The following DGKB variants were observed in gnomAD, a reference collection of about 807,000 sequenced individuals.
DGKB encodes the protein 90 kDa diacylglycerol kinase.
DGKB carries 67 observed loss-of-function variants against 114.3 expected under a neutral mutation model. The ratio of observed to expected loss-of-function variants is 0.59; its 90% CI spans 0.48 to 0.72. The LOEUF is 0.72. Ranked by LOEUF, DGKB falls within the 30% of genes least tolerant of loss-of-function variation. The pLI is 0.00. For synonymous variants in DGKB, 398 were observed against 323.1 expected (o/e 1.23, Z -2.49); for missense variants, 907 against 975.2 (o/e 0.93, Z 0.93).
At chr7:14,187,698 C>G (rs1034374132) in intron 23 of DGKB, among the ~76,000 whole-genome samples, 1 of 152,066 alleles carries the variant, frequency 6.6e-6, no homozygotes, top group Non-Finnish European at 1.5e-5. Context: ...GACTTGTTTA[C>G]AGGAAAACAT....
At chr7:14,913,153 C>T (rs1261297837) in intron 1 of DGKB, among the ~76,000 whole-genome samples, 1 of 151,994 alleles carries the variant, frequency 6.6e-6, no homozygotes, top group Non-Finnish European at 1.5e-5. Flanking sequence ...CCTGTCAGTA[C>T]TCAAGATGTC....
chr7:14,292,789 T>C (rs1801966752), intron 23 of DGKB, among the ~76,000 whole-genome samples: 1 of 152,204 alleles, frequency 6.6e-6, no homozygotes, highest in Admixed American at 6.5e-5. Flanking sequence ...GCTTCTGTTT[T>C]TGAAATCAGT....
chr7:14,926,038 G>A (rs553362230), intron 1 of DGKB, among the ~76,000 whole-genome samples: 4 of 152,136 alleles, frequency 2.6e-5, no homozygotes, highest in African/African-American at 9.6e-5. Flanking sequence ...GGTTTCTGTA[G>A]ATTTTCTTTA....
In DGKB at chr7:14,398,498, G is replaced by A. The variant is rs1822582614; in HGVS notation, c.1836-53107C>T. ...CACTATCATTTTCAAAAGAAATAGC[G>A]AGGCAAAGCTATAAAATTCTTTTAT... On this transcript the variant is annotated intron_variant, in intron 21 of 25. Transcript: ENST00000402815. 2.6e-5 allele frequency among the ~76,000 whole-genome samples: 4 copies of A among 151,956 alleles called. No homozygotes were observed. In the South Asian group the frequency reaches 6.2e-4, roughly 24 times the overall value.
chr7:14,877,333 A>C (rs1853450485), intron 1 of DGKB, among the ~76,000 whole-genome samples: 1 of 152,150 alleles, frequency 6.6e-6, no homozygotes, highest in African/African-American at 2.4e-5. Context: ...AGGCTGGCGG[A>C]TCACCTGAGG....
At chr7:14,240,499 A>G (rs79110239) in intron 23 of DGKB, among the ~76,000 whole-genome samples, 2,013 of 152,186 alleles carry the variant, frequency 0.013, 47 homozygotes, top group African/African-American at 0.046. Flanking sequence ...AAGAAACCTT[A>G]GTTCATACTT....
In DGKB at chr7:14,806,121, C is replaced by T. The variant is rs184710382; in HGVS notation, c.70+35073G>A. On this transcript the variant is annotated intron_variant, in intron 2 of 25. Transcript: ENST00000402815. The stretch of plus-strand genomic sequence containing the variant: ...ATGGCATAAAATTCTTTGCTTCCCG[C>T]GTCGTAGGTTTGCAGAGAAGCTTAG... Among the ~76,000 whole-genome samples, 11 of 151,840 alleles carry T rather than the reference C, an allele frequency of 7.2e-5. No homozygotes were observed. In the East Asian group the frequency reaches 1.2e-3, roughly 16 times the overall value.
At chr7:14,917,060 A>C (rs969437383) in intron 1 of DGKB, among the ~76,000 whole-genome samples, 1 of 152,126 alleles carries the variant, frequency 6.6e-6, no homozygotes. Context: ...TCTCCAAAGA[A>C]ATTTTAAAAT....
intron 13 of DGKB, among the ~76,000 whole-genome samples, chr7:14,661,079 T>A (rs940940139): frequency 1.3e-5 from 2 of 151,616 alleles, no homozygotes; most frequent in Non-Finnish European, 1.5e-5. Context: ...ACTTAAATGT[T>A]AGACCTAAAA....
At chr7:14,167,382 C>T (rs188858395) in intron 25 of DGKB, among the ~76,000 whole-genome samples, 1 of 151,846 alleles carries the variant, frequency 6.6e-6, no homozygotes, top group Non-Finnish European at 1.5e-5. Flanking sequence ...TCTCTCTATT[C>T]CTTTATCACA....
intron 13 of DGKB, among the ~76,000 whole-genome samples, chr7:14,643,811 G>C (rs1812334705): frequency 6.6e-6 from 1 of 152,146 alleles, no homozygotes; most frequent in Non-Finnish European, 1.5e-5. Flanking sequence ...TCCACTGCCA[G>C]TGCCCCAATG....
intron 5 of DGKB, among the ~76,000 whole-genome samples, chr7:14,728,060 A>T (rs977240945): frequency 1.3e-5 from 2 of 152,236 alleles, no homozygotes; most frequent in Non-Finnish European, 2.9e-5. Flanking sequence ...TCAAATGCAC[A>T]GAAAACATAA....
At position 14,321,621 on chromosome 7, in the gene DGKB, A is replaced by G. The variant is rs1304662857; in HGVS notation, c.2122+16894T>C. Among the ~76,000 whole-genome samples, 10 of 151,030 alleles carry G rather than the reference A, an allele frequency of 6.6e-5. No individual in the cohort carries two copies. The South Asian group carries it at 1.9e-3, about 28-fold the overall frequency. The stretch of plus-strand genomic sequence containing the variant: ...GAAATAAGAAAAAAAAAAAAAAAAG[A>G]AAAGGATTAAGGGTAAAAAAAGAAG... On this transcript the variant is annotated intron_variant, in intron 23 of 25. Transcript: ENST00000402815.
intron 21 of DGKB, among the ~76,000 whole-genome samples, chr7:14,360,672 A>T (rs1336339388): frequency 1.3e-5 from 2 of 151,984 alleles, no homozygotes; most frequent in African/African-American, 4.8e-5. Flanking sequence ...TCTGAAGTGG[A>T]CTCAGATTAT....
intron 4 of DGKB, 70 bp downstream of exon 4, chr7:14,753,858 G>A (rs1834467381): frequency 2.1e-6 from 2 of 969,500 alleles, no homozygotes; most frequent in African/African-American, 3.3e-5. Flanking sequence ...TGATATGGAT[G>A]AGAAATTCAT....
chr7:14,312,920 ATC>A (rs1805654619), intron 23 of DGKB, among the ~76,000 whole-genome samples: 1 of 152,198 alleles, frequency 6.6e-6, no homozygotes, highest in African/African-American at 2.4e-5. Flanking sequence ...TTGTATAATA[ATC>A]TGTGTCAATA....
chr7:14,315,735 G>C (rs940752234), intron 23 of DGKB, among the ~76,000 whole-genome samples: 1 of 150,972 alleles, frequency 6.6e-6, no homozygotes, highest in Non-Finnish European at 1.5e-5. Context: ...GGGACAGAAA[G>C]TCAACAAGGA....
At chr7:14,722,543 G>A (rs773556908) in intron 5 of DGKB, among the ~76,000 whole-genome samples, 2 of 152,102 alleles carry the variant, frequency 1.3e-5, no homozygotes, top group African/African-American at 2.4e-5. Flanking sequence ...GCCAGGCACC[G>A]GAACTCATGC....
intron 21 of DGKB, among the ~76,000 whole-genome samples, chr7:14,355,886 G>A (rs956415097): frequency 4.6e-5 from 7 of 152,112 alleles, no homozygotes; most frequent in African/African-American, 1.7e-4. Context: ...GGTAGAATTC[G>A]GCTGTGAATC....
Sources: allele counts gnomAD v4.1 joint callset (sites outside exome capture counted in the v4.1 genomes callset), GRCh38; gene constraint gnomAD v4.1.1; transcripts MANE v1.5; gene names NCBI Gene and HGNC (gene_info 2026-07-23, HGNC 2026-07-21).